The following UNC13C variants were observed in gnomAD, a reference collection of about 807,000 sequenced individuals.
UNC13C encodes unc-13 homolog C.
Under a neutral mutation model 245.4 loss-of-function variants are expected in UNC13C, and 174 were observed. That is an observed-to-expected ratio of 0.71 (90% CI 0.63 to 0.80). The LOEUF (loss-of-function observed/expected upper bound fraction) is 0.80. UNC13C is among the 30% of genes least tolerant of loss of function. The pLI is 0.00. For synonymous variants in UNC13C, 992 were observed against 895.1 expected (o/e 1.11, Z -1.93); for missense variants, 2,829 against 2,602.9 (o/e 1.09, Z -1.89).
chr15:54,367,424 T>C (rs965059198), intron 17 of UNC13C, among the ~76,000 whole-genome samples: 2 of 152,114 alleles, frequency 1.3e-5, no homozygotes, highest in Non-Finnish European at 2.9e-5. Context: ...TATTTGGGAG[T>C]TTATTCCACT....
At chr15:54,408,228 A>AAAAAAAAAAAAAAAAAT (rs2040347149) in intron 18 of UNC13C, among the ~76,000 whole-genome samples, 1 of 146,068 alleles carries the variant, frequency 6.8e-6, no homozygotes, top group Non-Finnish European at 1.5e-5. Flanking sequence ...AAAAAAAAAA[A>AAAAAAAAAAAAAAAAAT]ACATGGGCAA....
At chr15:54,089,659 T>TA (rs1899450883) in intron 2 of UNC13C, among the ~76,000 whole-genome samples, 2 of 97,528 alleles carry the variant, frequency 2.1e-5, no homozygotes, top group Non-Finnish European at 4.3e-5. Context: ...GCTTCCAATA[T>TA]CTTTTTTTTT....
chr15:54,272,339 A>C (rs1174598803), intron 10 of UNC13C, among the ~76,000 whole-genome samples: 1 of 152,152 alleles, frequency 6.6e-6, no homozygotes, highest in African/African-American at 2.4e-5. Flanking sequence ...AAGCTCTATA[A>C]AAGATAATTT....
chr15:54,212,254 G>C (rs2034902940), intron 4 of UNC13C, among the ~76,000 whole-genome samples: 3 of 152,088 alleles, frequency 2.0e-5, no homozygotes, highest in Admixed American at 2.0e-4. Context: ...AGATCCATGG[G>C]AGAGGTGTTA....
the UNC13C span, among the ~76,000 whole-genome samples, chr15:53,897,051 T>A: frequency 9.2e-5 from 14 of 151,800 alleles, no homozygotes; most frequent in African/African-American, 3.4e-4. Flanking sequence ...CTCCTCATTT[T>A]GTAGAGAAAG....
At chr15:54,194,149 G>C (rs112688340) in intron 4 of UNC13C, among the ~76,000 whole-genome samples, 6 of 152,308 alleles carry the variant, frequency 3.9e-5, no homozygotes, top group African/African-American at 1.4e-4. Flanking sequence ...CACTCTGGCT[G>C]CTCCGTGTAG....
chr15:54,446,659 G>A (rs1295329964), intron 19 of UNC13C, among the ~76,000 whole-genome samples: 1 of 152,200 alleles, frequency 6.6e-6, no homozygotes, highest in Non-Finnish European at 1.5e-5. Flanking sequence ...AGACTTTGCT[G>A]AAGTTGCTTA....
the UNC13C span, among the ~76,000 whole-genome samples, chr15:53,881,271 C>T: frequency 2.6e-5 from 4 of 152,254 alleles, no homozygotes; most frequent in Admixed American, 6.5e-5. Context: ...GAGCGTGCAG[C>T]ATACCAAAGC....
chr15:53,871,410 C>A, the UNC13C span, among the ~76,000 whole-genome samples: 2 of 152,310 alleles, frequency 1.3e-5, no homozygotes, highest in Non-Finnish European at 2.9e-5. Flanking sequence ...CTGGGAAGCA[C>A]TTTCTCATCC....
intron 4 of UNC13C, among the ~76,000 whole-genome samples, chr15:54,186,066 CTGTT>C (rs1272502246): frequency 2.1e-5 from 3 of 142,382 alleles, no homozygotes; most frequent in East Asian, 2.0e-4. Context: ...ATTTGGCTCT[CTGTT>C]TGTCTGTTAT....
rs369992580 is a variant in UNC13C at position 54,626,915 on chromosome 15, C to T, written c.6447C>T (p.Ile2149=). Reference sequence around the variant, plus strand: ...GCTTTGCCAGAGAAGATCGAATTATCGGAATGACAGTCATTCAGCTACAGA... The same window carrying T: ...GCTTTGCCAGAGAAGATCGAATTATTGGAATGACAGTCATTCAGCTACAGA... The part of the protein sequence containing the change: ...DYCFAREDRI[I]GMTVIQLQNI... The change falls in exon 33 of 33, where the codon ATC becomes ATT. Residue 2149 remains isoleucine, a synonymous_variant. Transcript: ENST00000260323. 27 of 1,613,302 alleles carry T rather than the reference C, an allele frequency of 1.7e-5. No homozygotes were observed. Among genetic ancestry groups the T allele is most frequent in the South Asian group, 2.2e-5 (2 of 91,064 alleles).
chr15:54,540,632 CTTTT>C (rs1024509926), intron 26 of UNC13C, among the ~76,000 whole-genome samples: 8 of 152,062 alleles, frequency 5.3e-5, no homozygotes, highest in Non-Finnish European at 8.8e-5. Flanking sequence ...TGTATAAGCT[CTTTT>C]TGTCTTTGTG....
At position 54,372,329 on chromosome 15, in the gene UNC13C, C is replaced by A. The variant is rs527284746; in HGVS notation, c.4714-20719C>A. 5.9e-5 allele frequency among the ~76,000 whole-genome samples: 9 copies of A among 152,042 alleles called. No individual in the cohort carries two copies. In the East Asian group the frequency reaches 1.7e-3, roughly 29 times the overall value. On this transcript the variant is annotated intron_variant, in intron 17 of 32. Transcript: ENST00000260323. The stretch of plus-strand genomic sequence containing the variant: ...TTAGTAATAGAAAACATATCAGTTA[C>A]CTTTTCCTTAAGAGCCTAGATTATT...
At chr15:54,215,075 G>A (rs2140761831) in intron 4 of UNC13C, among the ~76,000 whole-genome samples, 1 of 151,926 alleles carries the variant, frequency 6.6e-6, no homozygotes, top group African/African-American at 2.4e-5. Flanking sequence ...GAGGGAGTAA[G>A]GTTTTTGGTA....
intron 2 of UNC13C, among the ~76,000 whole-genome samples, chr15:54,115,201 A>G (rs1234777645): frequency 6.6e-6 from 1 of 152,130 alleles, no homozygotes; most frequent in Non-Finnish European, 1.5e-5. Flanking sequence ...TCACTGTTAT[A>G]CATATACTTA....
At chr15:53,879,503 A>T in the UNC13C span, among the ~76,000 whole-genome samples, 1 of 152,152 alleles carries the variant, frequency 6.6e-6, no homozygotes, top group South Asian at 2.1e-4. Flanking sequence ...TGGAAATAGT[A>T]TTTATGTTAA....
intron 2 of UNC13C, among the ~76,000 whole-genome samples, chr15:54,018,961 C>G (rs1895779618): frequency 6.6e-6 from 1 of 152,138 alleles, no homozygotes; most frequent in Admixed American, 6.5e-5. Flanking sequence ...AATCCAAATT[C>G]AAACTGTGGC....
intron 29 of UNC13C, among the ~76,000 whole-genome samples, chr15:54,559,650 G>C (rs1307652837): frequency 6.6e-6 from 1 of 151,980 alleles, no homozygotes; most frequent in African/African-American, 2.4e-5. Context: ...AGGGCAGAGA[G>C]GGTGATGAAT....
chr15:54,548,632 C>T (rs973493718), intron 27 of UNC13C, among the ~76,000 whole-genome samples: 1 of 151,902 alleles, frequency 6.6e-6, no homozygotes, highest in African/African-American at 2.4e-5. Flanking sequence ...TTCCCATAAG[C>T]CCTATTATTT....
Sources: gnomAD v4.1 joint callset for allele counts (sites outside exome capture counted in the v4.1 genomes callset) on GRCh38, gnomAD v4.1.1 for gene constraint, MANE v1.5 for transcripts, NCBI Gene and HGNC (gene_info 2026-07-23, HGNC 2026-07-21) for gene names.